GPR89B: variants seen among roughly 807,000 people sequenced by gnomAD.
GPR89B encodes G protein-coupled receptor 89B.
A neutral mutation model predicts 52.4 loss-of-function variants in GPR89B; 25 were observed. The observed-to-expected ratio is 0.48, with a 90% CI of 0.35 to 0.67. The LOEUF (loss-of-function observed/expected upper bound fraction) is 0.67, where lower values mean the gene tolerates loss of function less well. Among genes scored for constraint, GPR89B ranks in the 30% least tolerant of loss-of-function variants. GPR89B has a pLI of 0.01. For missense variants in GPR89B, 146 were observed against 450.2 expected (o/e 0.32, Z 6.11); for synonymous variants, 52 against 151.2 (o/e 0.34, Z 4.81).
Position 147,928,458 on chromosome 1 carries a change from G to A in GPR89B, c.-79G>A. On this transcript the variant is annotated 5_prime_UTR_variant, in exon 1 of 14. It adds an upstream start codon to the 5' untranslated region. Transcript: ENST00000314163. ...CAGCACCTGGGAGAAGGCAGACCGT[G>A]TGAGGGGGCCTGTGGCCCCAGCGTG... 2 of 1,567,300 alleles carry A rather than the reference G, an allele frequency of 1.3e-6. No individual in the cohort carries two copies. The highest frequency in any genetic ancestry group is 8.8e-7 in the Non-Finnish European group (1 of 1,139,240).
chr1:147,932,135 C>T (rs191742315), intron 1 of GPR89B, among the ~76,000 whole-genome samples: 1 of 152,008 alleles, frequency 6.6e-6, no homozygotes, highest in Admixed American at 6.6e-5. Flanking sequence ...CCTAAACTGC[C>T]CAACTTCTCT....
In GPR89B at chr1:147,949,610, A is replaced by T. The variant is rs1377998435; in HGVS notation, c.416-3735A>T. On this transcript the variant is annotated intron_variant, in intron 5 of 13. Coordinates refer to ENST00000314163, the MANE Select transcript of GPR89B (RefSeq NM_016334.5). ...ACCTCCCTCCAGGACCGGGCAGCTG[A>T]CGGGGCGGGGGGCTGACCCCCCCAC... Among the ~76,000 whole-genome samples, 8 of 102,166 alleles carry T rather than the reference A, an allele frequency of 7.8e-5. 1 individual carries two copies. The highest frequency in any genetic ancestry group is 1.4e-4 in the Non-Finnish European group (7 of 51,670). The allele number at this position is 102,166 out of a possible 152,430, so 67.0% of individuals were successfully genotyped here. A position where few individuals can be genotyped will look rare whatever the true frequency, so the allele number is the denominator to read the frequency against.
At chr1:147,936,716 A>G (rs372345301) in intron 2 of GPR89B, 30 bp downstream of exon 2, 1 of 1,584,086 alleles carries the variant, frequency 6.3e-7, no homozygotes, top group Non-Finnish European at 8.6e-7. Flanking sequence ...TCATACTTAC[A>G]CTATATGAAT....
chr1:147,988,319 T>A (rs1171315103), intron 11 of GPR89B, 113 bp from the exon 12 acceptor site: 1 of 1,399,550 alleles, frequency 7.1e-7, no homozygotes. Context: ...AAAAATCAGG[T>A]AGGGTCTAAT....
chr1:147,989,390 T>G lies in GPR89B; in HGVS notation c.1095+869T>G, dbSNP rs1326142258. Among the ~76,000 whole-genome samples, 11 of 152,232 alleles carry G rather than the reference T, an allele frequency of 7.2e-5. No homozygotes were observed. In the East Asian group the frequency reaches 2.1e-3, roughly 29 times the overall value. The stretch of plus-strand genomic sequence containing the variant: ...ATCTCAGTTTCCAAGATCCTATAAA[T>G]GGCATTAAGTAAGGACCTACTGAAT... On this transcript the variant is annotated intron_variant, in intron 12 of 13. Coordinates refer to ENST00000314163, the MANE Select transcript of GPR89B (RefSeq NM_016334.5).
chr1:147,949,648 T>C (rs1458451327), intron 5 of GPR89B, among the ~76,000 whole-genome samples: 409 of 83,736 alleles, frequency 4.9e-3, no homozygotes, highest in Middle Eastern at 0.012. Flanking sequence ...CCCTCCCGGA[T>C]GGGGCGGCTG....
intron 1 of GPR89B, among the ~76,000 whole-genome samples, chr1:147,935,726 T>A (rs1654029985): frequency 6.6e-6 from 1 of 152,186 alleles, no homozygotes; most frequent in Non-Finnish European, 1.5e-5. Context: ...TTTTATTTTT[T>A]AAATTAATTT....
At chr1:147,949,442 ACCCCCCTG>A (rs1406636951) in intron 5 of GPR89B, among the ~76,000 whole-genome samples, 2 of 394 alleles carry the variant, frequency 5.1e-3, no homozygotes, top group African/African-American at 0.011. Context: ...TGGGGGGCTG[ACCCCCCTG>A]ACCCCCCACC....
chr1:147,973,468 T>C (rs1657619342), intron 10 of GPR89B, among the ~76,000 whole-genome samples: 1 of 151,912 alleles, frequency 6.6e-6, no homozygotes, highest in Non-Finnish European at 1.5e-5. Context: ...ATGTCTTCTT[T>C]TGAGAATTGT....
chr1:148,007,077 C>CT, the GPR89B span, among the ~76,000 whole-genome samples: 5,239 of 136,504 alleles, frequency 0.038, 281 homozygotes, highest in African/African-American at 0.11. Flanking sequence ...GCATTTTTGG[C>CT]TTTTTTTTTT....
intron 1 of GPR89B, 91 bp downstream of exon 1, chr1:147,928,669 C>T (rs1394679475): frequency 6.5e-7 from 1 of 1,538,454 alleles, no homozygotes. Flanking sequence ...GGTCCGGGGT[C>T]TCGCTCCTCT....
chr1:147,949,257 G>T (rs1406022146), intron 5 of GPR89B, among the ~76,000 whole-genome samples: 15 of 151,996 alleles, frequency 9.9e-5, no homozygotes, highest in African/African-American at 3.1e-4. Context: ...TCATGGCCCG[G>T]TCTCAATGAG....
chr1:147,986,981 GCCATTTA>G (rs1359992173), intron 11 of GPR89B, among the ~76,000 whole-genome samples: 9 of 150,184 alleles, frequency 6.0e-5, no homozygotes, highest in Non-Finnish European at 1.2e-4. Flanking sequence ...CCCAGTGTAG[GCCATTTA>G]GCTGTGCTGT....
downstream of GPR89B, among the ~76,000 whole-genome samples, chr1:147,998,285 T>C: frequency 7.0e-6 from 1 of 143,758 alleles, no homozygotes; most frequent in Non-Finnish European, 1.5e-5. Flanking sequence ...TGACTAAAAT[T>C]AGATTTTTAG....
chr1:147,996,598 C>A, downstream of GPR89B: 1 of 1,611,450 alleles, frequency 6.2e-7, no homozygotes, highest in South Asian at 1.1e-5. Flanking sequence ...CTTTAGCCAG[C>A]CTGCAGAGTT....
At chr1:148,002,809 CTGACTGTGTTCACA>C in the GPR89B span, among the ~76,000 whole-genome samples, 1 of 152,198 alleles carries the variant, frequency 6.6e-6, no homozygotes, top group Admixed American at 6.5e-5. Context: ...CCAGTGTCTC[CTGACTGTGTTCACA>C]TGACTCCCAC....
intron 7 of GPR89B, among the ~76,000 whole-genome samples, chr1:147,957,494 T>C (rs1656203842): frequency 6.6e-6 from 1 of 151,986 alleles, no homozygotes; most frequent in Non-Finnish European, 1.5e-5. Flanking sequence ...CTTCATTTAT[T>C]CATTCATAGA....
the GPR89B span, among the ~76,000 whole-genome samples, chr1:148,019,969 C>T: frequency 6.6e-6 from 1 of 151,738 alleles, no homozygotes; most frequent in Non-Finnish European, 1.5e-5. Flanking sequence ...GAGAGAAGCT[C>T]AATTATCACC....
intron 7 of GPR89B, among the ~76,000 whole-genome samples, chr1:147,965,820 T>A (rs1488764680): frequency 6.6e-6 from 1 of 152,016 alleles, no homozygotes; most frequent in Admixed American, 6.5e-5. Flanking sequence ...TTTAGTTAGG[T>A]ATGTTAGCTG....
Sources: allele counts gnomAD v4.1 joint callset (sites outside exome capture counted in the v4.1 genomes callset), GRCh38; gene constraint gnomAD v4.1.1; transcripts MANE v1.5; gene names NCBI Gene and HGNC (gene_info 2026-07-23, HGNC 2026-07-21).